The following KANSL1 variants were observed in gnomAD, a reference collection of about 807,000 sequenced individuals.
KANSL1 encodes the protein MLL1/MLL complex subunit KANSL1.
Under a neutral mutation model 103.6 loss-of-function variants are expected in KANSL1, and 22 were observed. That is an observed-to-expected ratio of 0.21 (90% CI 0.15 to 0.30). The LOEUF (loss-of-function observed/expected upper bound fraction) is 0.30, where lower values mean the gene tolerates loss of function less well. KANSL1 is among the 10% of genes least tolerant of loss of function. The probability of loss-of-function intolerance (pLI) is 1.00; values close to 1 mark genes in which losing one functional copy is unlikely to be tolerated. For synonymous variants in KANSL1, 600 were observed against 527.6 expected (o/e 1.14, Z -1.88); for missense variants, 1,337 against 1,399.8 (o/e 0.96, Z 0.72).
intron 3 of KANSL1, among the ~76,000 whole-genome samples, chr17:46,089,404 T>C (rs2079292131): frequency 6.6e-6 from 1 of 152,064 alleles, no homozygotes; most frequent in Non-Finnish European, 1.5e-5. Context: ...AATACTTTTT[T>C]TTTTTTTGGT....
intron 3 of KANSL1, chr17:46,093,903 C>T (rs1243634820): frequency 6.6e-6 from 1 of 152,178 alleles, no homozygotes; most frequent in Non-Finnish European, 1.5e-5. Context: ...TACATCTTAC[C>T]ATCAGTAGCA....
chr17:46,040,369 G>A (rs1424239091), intron 7 of KANSL1: 3 of 153,508 alleles, frequency 2.0e-5, no homozygotes, highest in African/African-American at 7.2e-5. Flanking sequence ...TTCCTCTGTG[G>A]CTCCGCCAAT....
chr17:46,123,207 T>C (rs2147204700), intron 2 of KANSL1, among the ~76,000 whole-genome samples: 1 of 152,186 alleles, frequency 6.6e-6, no homozygotes, highest in South Asian at 2.1e-4. Flanking sequence ...CGAAACCCCC[T>C]CTCTACTAAA....
rs1194722553 is a variant in KANSL1 at position 46,107,196 on chromosome 17, C to T, written c.1290-12495G>A. 2.0e-5 allele frequency among the ~76,000 whole-genome samples: 3 copies of T among 152,344 alleles called. No homozygotes were observed. In the East Asian group the frequency reaches 5.8e-4, roughly 29 times the overall value. ...CTTCAATACCAGGGAAGCACTGCAGCAACAGCAAGGGGGATGGATCAGGAG... is the reference window on the plus strand; with the variant it reads ...CTTCAATACCAGGGAAGCACTGCAGTAACAGCAAGGGGGATGGATCAGGAG... On this transcript the variant is annotated intron_variant, in intron 2 of 14. Coordinates refer to ENST00000432791, the MANE Select transcript of KANSL1 (RefSeq NM_015443.4).
intron 7 of KANSL1, among the ~76,000 whole-genome samples, chr17:46,046,317 T>C (rs529532911): frequency 6.6e-6 from 1 of 151,434 alleles, no homozygotes; most frequent in East Asian, 2.0e-4. Flanking sequence ...GTAGATCGCT[T>C]GGGCCCAAGA....
intron 2 of KANSL1, among the ~76,000 whole-genome samples, chr17:46,136,102 C>A (rs1188603765): frequency 6.6e-6 from 1 of 152,166 alleles, no homozygotes; most frequent in Non-Finnish European, 1.5e-5. Context: ...CAGCTGTTAA[C>A]CACTGAGAAG....
intron 6 of KANSL1, among the ~76,000 whole-genome samples, chr17:46,064,959 G>T (rs114593923): frequency 0.01 from 1,569 of 151,216 alleles, 23 homozygotes; most frequent in African/African-American, 0.034. Context: ...GTATACGTGT[G>T]TTTTTTTTGT....
At chr17:46,058,743 ACTCTCTCTCTCTCTCT>A (rs756932556) in intron 6 of KANSL1, among the ~76,000 whole-genome samples, 913 of 67,952 alleles carry the variant, frequency 0.013, 9 homozygotes, top group East Asian at 0.046. Context: ...ACACACACAC[ACTCTCTCTCTCTCTCT>A]CTCTCTCTCT....
chr17:46,137,528 T>C (rs1240459250), intron 2 of KANSL1, among the ~76,000 whole-genome samples: 1 of 152,236 alleles, frequency 6.6e-6, no homozygotes, highest in Non-Finnish European at 1.5e-5. Context: ...ACAATTGTCA[T>C]AAAAGTTTTC....
At chr17:46,062,134 A>ACAC (rs2078197238) in intron 6 of KANSL1, among the ~76,000 whole-genome samples, 2 of 132,852 alleles carry the variant, frequency 1.5e-5, no homozygotes, top group East Asian at 4.0e-4. Context: ...AAAAAAAAAA[A>ACAC]CATGTTACAG....
intron 2 of KANSL1, among the ~76,000 whole-genome samples, chr17:46,144,410 A>T (rs1179689412): frequency 3.9e-5 from 6 of 152,266 alleles, no homozygotes; most frequent in Non-Finnish European, 8.8e-5. Flanking sequence ...TCAAATTTAA[A>T]CCACAGAAAG....
At chr17:46,170,637 C>T (rs1486819762) in intron 2 of KANSL1, 1 of 530,328 alleles carries the variant, frequency 1.9e-6, no homozygotes, top group Non-Finnish European at 3.2e-6. Flanking sequence ...AAGGAAATTA[C>T]CACCATTTAG....
At chr17:46,212,607 A>C (rs1355070383) in intron 1 of KANSL1, among the ~76,000 whole-genome samples, 1 of 152,178 alleles carries the variant, frequency 6.6e-6, no homozygotes, top group Non-Finnish European at 1.5e-5. Context: ...CTTGCTGCTC[A>C]TTTAGGTTTA....
chr17:46,160,232 T>G (rs968881182), intron 2 of KANSL1, among the ~76,000 whole-genome samples: 2 of 152,220 alleles, frequency 1.3e-5, no homozygotes, highest in Admixed American at 1.3e-4. Flanking sequence ...TTTCTTCCTT[T>G]TTTAAAAAAA....
intron 2 of KANSL1, among the ~76,000 whole-genome samples, chr17:46,107,433 G>C (rs1298394434): frequency 6.6e-6 from 1 of 150,480 alleles, no homozygotes; most frequent in African/African-American, 2.4e-5. Flanking sequence ...TACCACCCTT[G>C]ATCCATCACC....
At chr17:46,148,258 T>C (rs1402641476) in intron 2 of KANSL1, 4 of 152,284 alleles carry the variant, frequency 2.6e-5, no homozygotes, top group Non-Finnish European at 4.4e-5. Context: ...AAGCAGTTTT[T>C]AAGAGGGTCA....
upstream of KANSL1, among the ~76,000 whole-genome samples, chr17:46,224,079 G>T (rs1411110031): frequency 6.6e-6 from 1 of 152,084 alleles, no homozygotes; most frequent in Non-Finnish European, 1.5e-5. Context: ...AGAGAATAAA[G>T]TAATTTTCCA....
At chr17:46,069,726 A>T (rs557784331) in intron 4 of KANSL1, among the ~76,000 whole-genome samples, 2 of 151,756 alleles carry the variant, frequency 1.3e-5, no homozygotes, top group African/African-American at 4.8e-5. Flanking sequence ...CCTGGGAAAG[A>T]GAGAGAGAGA....
At chr17:46,175,094 C>T (rs978001657) in intron 1 of KANSL1, among the ~76,000 whole-genome samples, 4 of 152,140 alleles carry the variant, frequency 2.6e-5, no homozygotes, top group Non-Finnish European at 5.9e-5. Flanking sequence ...CTAAGCACCC[C>T]CCTCCCTGCC....
Sources: allele counts gnomAD v4.1 joint callset (sites outside exome capture counted in the v4.1 genomes callset), GRCh38; gene constraint gnomAD v4.1.1; transcripts MANE v1.5; gene names NCBI Gene and HGNC (gene_info 2026-07-23, HGNC 2026-07-21).